The following PM20D2 variants were observed in gnomAD, a reference collection of about 807,000 sequenced individuals.
The protein encoded by PM20D2 is xaa-Arg dipeptidase.
Under a neutral mutation model 42.9 loss-of-function variants are expected in PM20D2, and 33 were observed. The observed-to-expected ratio is 0.77, with a 90% confidence interval of 0.58 to 1.03. The LOEUF (loss-of-function observed/expected upper bound fraction) is 1.03. Among genes scored for constraint, PM20D2 ranks in the 50% least tolerant of loss-of-function variants. The pLI, the probability that PM20D2 is intolerant of heterozygous loss-of-function variation, is 0.00. For synonymous variants in PM20D2, 250 were observed against 228.2 expected (o/e 1.10, Z -0.86); for missense variants, 548 against 557.0 (o/e 0.98, Z 0.16).
intron 2 of PM20D2, among the ~76,000 whole-genome samples, chr6:89,152,578 A>G (rs979700304): frequency 1.3e-5 from 2 of 152,208 alleles, no homozygotes; most frequent in African/African-American, 4.8e-5. Context: ...AACATTGAAT[A>G]TAATCTGATT....
the PM20D2 span, chr6:89,099,065 T>TA: frequency 2.6e-5 from 32 of 1,238,674 alleles, no homozygotes; most frequent in Non-Finnish European, 3.2e-5. Flanking sequence ...CTAGATAAGC[T>TA]AAAAAAATTT....
chr6:89,158,368 C>A lies in PM20D2; in HGVS notation c.956C>A (p.Pro319His). The part of the protein sequence containing the change: ...GGAHDYYNVL[P>H]NKSLWKAYME... ...GCACATGATTATTACAATGTTCTTC[C>A]CAATAAGAGCCTATGGAAAGCCTAT... Residue 319 changes from proline (P) to histidine (H), a missense_variant, in exon 5 of 7, where the codon CCC becomes CAC. By Grantham distance (77) the Pro-to-His change is moderately conservative. This residue lies in a region of PM20D2 where 470 missense variants were observed against 464.4 expected (regional missense o/e 1.01). Transcript: ENST00000275072. 1 of 1,607,090 alleles carries A rather than the reference C, an allele frequency of 6.2e-7. No homozygotes were observed. Among genetic ancestry groups the A allele is most frequent in the Non-Finnish European group, 8.5e-7 (1 of 1,178,016 alleles).
At chr6:89,154,465 AG>A (rs1179823900) in intron 3 of PM20D2, among the ~76,000 whole-genome samples, 1 of 152,116 alleles carries the variant, frequency 6.6e-6, no homozygotes, top group African/African-American at 2.4e-5. Flanking sequence ...ATAATTTCTA[AG>A]TTTCATTATA....
At chr6:89,103,833 T>C in the PM20D2 span, among the ~76,000 whole-genome samples, 61 of 152,320 alleles carry the variant, frequency 4.0e-4, no homozygotes, top group Middle Eastern at 6.8e-3. Flanking sequence ...AATAAATAAC[T>C]TGAAAATATC....
the PM20D2 span, among the ~76,000 whole-genome samples, chr6:89,113,695 G>A: frequency 8.5e-5 from 13 of 152,256 alleles, no homozygotes; most frequent in African/African-American, 3.1e-4. Flanking sequence ...CACCCCCGGA[G>A]TGCAGTGGTG....
chr6:89,133,516 CTCT>C, the PM20D2 span, among the ~76,000 whole-genome samples: 1 of 151,076 alleles, frequency 6.6e-6, no homozygotes, highest in Non-Finnish European at 1.5e-5. Flanking sequence ...ACTGTATTGG[CTCT>C]TCTTGCTTGC....
chr6:89,146,513 C>A lies in PM20D2; in HGVS notation c.369C>A (p.Ala123=). The part of the protein sequence containing the change: ...EYDALPGIGH[A]CGHNLIAEVG... ...ACGCGCTGCCCGGCATCGGCCACGCCTGCGGCCACAACCTCATCGCTGAGG... is the reference window on the plus strand; with the variant it reads ...ACGCGCTGCCCGGCATCGGCCACGCATGCGGCCACAACCTCATCGCTGAGG... The change falls in exon 1 of 7, where the codon GCC becomes GCA. Residue 123 remains alanine (A), a synonymous_variant. Coordinates refer to ENST00000275072, the MANE Select transcript of PM20D2 (RefSeq NM_001010853.3). The A allele has an allele frequency of 6.6e-7, 1 of 1,521,486 alleles. No homozygotes were observed. Among genetic ancestry groups the A allele is most frequent in the Non-Finnish European group, 8.8e-7 (1 of 1,141,970 alleles). 94.2% of individuals were successfully genotyped at this position (1,521,486 alleles called of 1,614,324 possible).
upstream of PM20D2, among the ~76,000 whole-genome samples, chr6:89,142,947 C>T (rs148358841): frequency 2.0e-3 from 298 of 152,284 alleles, 3 homozygotes; most frequent in African/African-American, 6.7e-3. Flanking sequence ...TGTGCGCCAC[C>T]GCGCCCGGCC....
At chr6:89,129,922 G>A in the PM20D2 span, among the ~76,000 whole-genome samples, 2 of 151,958 alleles carry the variant, frequency 1.3e-5, no homozygotes, top group African/African-American at 4.8e-5. Flanking sequence ...TCTTTGTAGA[G>A]ATGGGGTCTC....
At chr6:89,130,819 C>CCTTTTTTTTTTTTTT in the PM20D2 span, among the ~76,000 whole-genome samples, 19 of 24,056 alleles carry the variant, frequency 7.9e-4, 1 homozygote, top group African/African-American at 2.7e-3. Flanking sequence ...GCTTCTTCTT[C>CCTTTTTTTTTTTTTT]TTTTTTTTTT....
intron 4 of PM20D2, 70 bp downstream of exon 4, chr6:89,154,972 A>G: frequency 8.0e-7 from 1 of 1,257,608 alleles, no homozygotes; most frequent in Non-Finnish European, 1.1e-6. Flanking sequence ...TGTTAGATTG[A>G]AATCTAACTT....
the PM20D2 span, among the ~76,000 whole-genome samples, chr6:89,130,404 A>G: frequency 6.6e-6 from 1 of 151,060 alleles, no homozygotes; most frequent in Non-Finnish European, 1.5e-5. Context: ...TGGCCAAAAC[A>G]TTTTTATTTA....
chr6:89,156,381 C>T (rs1771049650), intron 4 of PM20D2, among the ~76,000 whole-genome samples: 1 of 152,170 alleles, frequency 6.6e-6, no homozygotes, highest in South Asian at 2.1e-4. Context: ...CTTTGGCTCT[C>T]CATTTTCTTG....
the PM20D2 span, among the ~76,000 whole-genome samples, chr6:89,136,677 C>CA: frequency 1.6e-3 from 238 of 144,990 alleles, 10 homozygotes; most frequent in African/African-American, 5.5e-3. Context: ...GACTCCGTCT[C>CA]AAAAAAAAAA....
Position 89,158,359 on chromosome 6 carries a change from A to G in PM20D2, c.947A>G (p.Asn316Ser), listed in dbSNP as rs146562265. The G allele has an allele frequency of 0.011, 18,357 of 1,604,130 alleles. 140 individuals are homozygous for G. Among genetic ancestry groups the G allele is most frequent in the Non-Finnish European group, 0.014 (16,881 of 1,177,588 alleles). ...EIKGGAHDYY[N>S]VLPNKSLWKA... The stretch of plus-strand genomic sequence containing the variant: ...AAAGGTGGAGCACATGATTATTACA[A>G]TGTTCTTCCCAATAAGAGCCTATGG... Residue 316 changes from asparagine to serine, a missense_variant, in exon 5 of 7, where the codon AAT (asparagine) becomes AGT (serine). Coordinates refer to ENST00000275072, the MANE Select transcript of PM20D2 (RefSeq NM_001010853.3).
In PM20D2 at chr6:89,162,317, A is replaced by G; in HGVS notation, c.*54A>G. ...AAGACGTGATGATTTTTTTCTTTTA[A>G]TCTCTTTTAATGAAGGCATGCTTGT... On this transcript the variant is annotated 3_prime_UTR_variant, in exon 7 of 7. Transcript: ENST00000275072. 6.6e-7 allele frequency: 1 copy of G among 1,513,698 alleles called. No homozygotes were observed. The highest frequency in any genetic ancestry group is 9.0e-7 in the Non-Finnish European group (1 of 1,117,240). 93.8% of individuals were successfully genotyped at this position (1,513,698 alleles called of 1,614,324 possible). A position where few individuals can be genotyped will look rare whatever the true frequency, so the allele number is the denominator to read the frequency against.
chr6:89,148,213 G>A (rs776993257), intron 1 of PM20D2, among the ~76,000 whole-genome samples: 7 of 151,826 alleles, frequency 4.6e-5, no homozygotes, highest in Non-Finnish European at 2.9e-5. Flanking sequence ...TCCGGATCTC[G>A]GGTGATTCGC....
intron 4 of PM20D2, among the ~76,000 whole-genome samples, chr6:89,155,584 C>T (rs781179874): frequency 6.6e-6 from 1 of 152,020 alleles, no homozygotes; most frequent in Admixed American, 6.6e-5. Context: ...ACCACCTCGC[C>T]CAGCCAGCGA....
the PM20D2 span, among the ~76,000 whole-genome samples, chr6:89,113,388 G>A: frequency 1.0e-3 from 156 of 152,206 alleles, no homozygotes; most frequent in African/African-American, 3.7e-3. Context: ...TGGCCAGGCT[G>A]GTCTCGAACT....
Sources: allele counts gnomAD v4.1 joint callset (sites outside exome capture counted in the v4.1 genomes callset), GRCh38; gene constraint gnomAD v4.1.1; regional missense constraint gnomAD v4.1.1; transcripts MANE v1.5; gene names NCBI Gene and HGNC (gene_info 2026-07-23, HGNC 2026-07-21).